C1orf159: variants seen among roughly 807,000 people sequenced by gnomAD.
C1orf159 encodes the protein uncharacterized protein C1orf159.
A neutral mutation model predicts 25.6 loss-of-function variants in C1orf159; 19 were observed. The observed-to-expected ratio is 0.74, with a 90% CI of 0.52 to 1.09. The LOEUF (loss-of-function observed/expected upper bound fraction) is 1.09. C1orf159 is among the 50% of genes least tolerant of loss of function. The pLI is 0.00. For missense variants in C1orf159, 274 were observed against 290.6 expected (o/e 0.94, Z 0.42); for synonymous variants, 139 against 124.7 (o/e 1.12, Z -0.77).
At chr1:1,112,061 C>G (rs1022932434) in intron 1 of C1orf159, among the ~76,000 whole-genome samples, 7 of 152,198 alleles carry the variant, frequency 4.6e-5, no homozygotes, top group African/African-American at 1.7e-4. Context: ...GCTCAGCAGA[C>G]GTGAGCAGGG....
intron 6 of C1orf159, 143 bp from the exon 7 acceptor site, chr1:1,086,155 T>C: frequency 9.4e-7 from 1 of 1,066,822 alleles, no homozygotes; most frequent in Non-Finnish European, 1.3e-6. Context: ...TGCCGAGGGC[T>C]CTGCACATGG....
intron 1 of C1orf159, chr1:1,106,714 C>G (rs1646175594): frequency 6.5e-6 from 1 of 153,050 alleles, no homozygotes. Context: ...CAGCCCACCG[C>G]TGCACTGTGG....
intron 1 of C1orf159, among the ~76,000 whole-genome samples, chr1:1,099,370 G>C (rs1485644615): frequency 6.6e-6 from 1 of 151,868 alleles, no homozygotes; most frequent in Non-Finnish European, 1.5e-5. Context: ...ATTGTCTATT[G>C]ATGTTTTTGG....
chr1:1,108,337 CCACCACAGCCACCATGTCTTGGCACTGTT>C (rs1646206812), intron 1 of C1orf159, among the ~76,000 whole-genome samples: 2 of 127,094 alleles, frequency 1.6e-5, no homozygotes, highest in African/African-American at 3.6e-5. Context: ...GCAGCACCGT[CCACCACAGCCACCATGTCTTGGCACTGTT>C]CACCACAGCC....
chr1:1,084,553 T>G, intron 7 of C1orf159, 47 bp from the exon 8 acceptor site: 1 of 1,548,112 alleles, frequency 6.5e-7, no homozygotes, highest in Non-Finnish European at 8.7e-7. Context: ...AGGAGCTGCC[T>G]CAACCTCAGC....
chr1:1,083,258 C>T (rs988006240), intron 9 of C1orf159: 16 of 433,856 alleles, frequency 3.7e-5, no homozygotes, highest in African/African-American at 1.6e-4. Flanking sequence ...AGGCGATCCC[C>T]GAAGACAGAG....
chr1:1,086,129 C>T (rs1198695073), intron 6 of C1orf159, 117 bp from the exon 7 acceptor site: 5 of 1,291,316 alleles, frequency 3.9e-6, no homozygotes, highest in African/African-American at 3.0e-5. Flanking sequence ...CTGAGCCTCA[C>T]GGGACCGGCT....
intron 1 of C1orf159, among the ~76,000 whole-genome samples, chr1:1,108,448 G>A (rs1310263488): frequency 3.7e-5 from 3 of 81,468 alleles, no homozygotes; most frequent in Admixed American, 2.9e-4. Flanking sequence ...ACCATGTCTC[G>A]ACACCGTTCA....
intron 1 of C1orf159, among the ~76,000 whole-genome samples, chr1:1,101,986 C>T (rs919337254): frequency 2.1e-5 from 3 of 145,828 alleles, no homozygotes; most frequent in Admixed American, 1.4e-4. Flanking sequence ...GCAGGAGAAT[C>T]GCTTGAACTG....
chr1:1,083,323 C>T lies in C1orf159; in HGVS notation c.503-336G>A, dbSNP rs1036498940. On this transcript the variant is annotated intron_variant, in intron 9 of 9. Transcript: ENST00000421241. The stretch of plus-strand genomic sequence containing the variant: ...GGGGGCGACAAGCAGGCCGTAGTCC[C>T]AAGACCTCGAATGTGACCTTATTTA... 3.3e-5 allele frequency: 10 copies of T among 307,178 alleles called. No individual in the cohort carries two copies. The East Asian group carries it at 3.6e-4, about 11-fold the overall frequency. 19.0% of individuals were successfully genotyped at this position (307,178 alleles called of 1,614,324 possible).
intron 1 of C1orf159, among the ~76,000 whole-genome samples, chr1:1,106,289 A>G (rs1646169735): frequency 1.3e-5 from 2 of 152,272 alleles, no homozygotes; most frequent in South Asian, 4.1e-4. Context: ...TGTCACTATT[A>G]GGGAAATGCA....
rs569927584 is a variant in C1orf159, at chr1:1,092,013, A to G, written c.-45T>C. The stretch of plus-strand genomic sequence containing the variant: ...TACCTGCCCCTCCAGGATGGGGACT[A>G]CCGACATCAGCCCTTTGCCCGCCTG... On this transcript the variant is annotated 5_prime_UTR_variant, in exon 2 of 10. Coordinates refer to ENST00000421241, the MANE Select transcript of C1orf159 (RefSeq NM_017891.5). 1.5e-5 allele frequency: 7 copies of G among 456,810 alleles called. No homozygotes were observed. Among genetic ancestry groups the G allele is most frequent in the South Asian group, 9.3e-5 (6 of 64,556 alleles). The allele number at this position is 456,810 out of a possible 1,614,324, so 28.3% of individuals were successfully genotyped here.
chr1:1,082,814 C>T lies in C1orf159; in HGVS notation c.*79G>A. ...TGTCCCGGGCGCCGGGCGATGCCAA[C>T]ACTTTGTGCTGGTTCCCGCCAAGGG... On this transcript the variant is annotated 3_prime_UTR_variant, in exon 10 of 10. Transcript: ENST00000421241. The T allele has an allele frequency of 1.5e-6, 2 of 1,324,972 alleles. No homozygotes were observed. The highest frequency in any genetic ancestry group is 2.0e-5 in the Admixed American group (1 of 50,632). The allele number at this position is 1,324,972 out of a possible 1,614,324, so 82.1% of individuals were successfully genotyped here. A position where few individuals can be genotyped will look rare whatever the true frequency, so the allele number is the denominator to read the frequency against.
intron 1 of C1orf159, chr1:1,105,908 T>G (rs1646164838): frequency 6.6e-6 from 1 of 152,046 alleles, no homozygotes; most frequent in African/African-American, 2.4e-5. Context: ...AATAGATAGA[T>G]AAATAAATAA....
rs558604243 is a variant in C1orf159, at chr1:1,082,566, G to A, written c.*327C>T. ...TAGGCAGAGCGGCACCTGCCCCATA[G>A]ATCGTGCCAGCTTTGGCTGCAGGCG... On this transcript the variant is annotated 3_prime_UTR_variant, in exon 10 of 10. Transcript: ENST00000421241. 6 of 389,772 alleles carry A rather than the reference G, an allele frequency of 1.5e-5. No homozygotes were observed. Among genetic ancestry groups the A allele is most frequent in the Non-Finnish European group, 2.9e-5 (6 of 208,476 alleles). The allele number at this position is 389,772 out of a possible 1,614,324, so 24.1% of individuals were successfully genotyped here. A position where few individuals can be genotyped will look rare whatever the true frequency, so the allele number is the denominator to read the frequency against.
chr1:1,097,130 C>A (rs965907243), intron 1 of C1orf159, among the ~76,000 whole-genome samples: 5 of 151,486 alleles, frequency 3.3e-5, no homozygotes. Flanking sequence ...CTTTTGAGAC[C>A]GAGTCTCACT....
chr1:1,092,234 C>T, intron 1 of C1orf159, 131 bp from the exon 2 acceptor site: 1 of 277,060 alleles, frequency 3.6e-6, no homozygotes, highest in East Asian at 1.2e-4. Context: ...GGCTGTCGAG[C>T]AGGGCGTCCT....
chr1:1,091,646 T>C (rs1395559376), intron 2 of C1orf159, 81 bp from the exon 3 acceptor site: 1 of 841,638 alleles, frequency 1.2e-6, no homozygotes, highest in Non-Finnish European at 1.8e-6. Flanking sequence ...GAAAGTGGGG[T>C]CAAGAGATGT....
chr1:1,111,301 G>A (rs1055606072), intron 1 of C1orf159, among the ~76,000 whole-genome samples: 3 of 151,540 alleles, frequency 2.0e-5, no homozygotes, highest in African/African-American at 4.9e-5. Context: ...GCCAAGGTGG[G>A]AGGATCGCTT....
Sources: gnomAD v4.1 joint callset for allele counts (sites outside exome capture counted in the v4.1 genomes callset) on GRCh38, gnomAD v4.1.1 for gene constraint, MANE v1.5 for transcripts, NCBI Gene and HGNC (gene_info 2026-07-23, HGNC 2026-07-21) for gene names.